LRP1B: variants seen among roughly 807,000 people sequenced by gnomAD.
The protein encoded by LRP1B is low-density lipoprotein receptor-related protein 1B.
A neutral mutation model predicts 556.6 loss-of-function variants in LRP1B; 217 were observed. That is an observed-to-expected ratio of 0.39 (90% CI 0.35 to 0.44). LRP1B has a LOEUF of 0.44. LRP1B is among the 20% of genes least tolerant of loss of function. The probability of loss-of-function intolerance (pLI) is 1.00; values close to 1 mark genes in which losing one functional copy is unlikely to be tolerated. For missense variants in LRP1B, 5,053 were observed against 5,620.8 expected, an observed-to-expected ratio of 0.90 and a Z score of 3.23; for synonymous variants, 2,047 against 1,865.8, an observed-to-expected ratio of 1.10 and a Z score of -2.50.
chr2:140,322,280 C>A (rs1680183125), intron 81 of LRP1B, among the ~76,000 whole-genome samples, 192 bp from the exon 82 acceptor site: 1 of 152,014 alleles, frequency 6.6e-6, no homozygotes, highest in Admixed American at 6.6e-5. Context: ...ACCCAATGCT[C>A]ATCATTAATA....
intron 86 of LRP1B, among the ~76,000 whole-genome samples, chr2:140,257,020 C>A (rs2104918747): frequency 6.6e-6 from 1 of 152,004 alleles, no homozygotes; most frequent in Admixed American, 6.5e-5. Context: ...AACATGATGG[C>A]TTTTTCTGCT....
At chr2:141,096,641 A>AGGGG in intron 7 of LRP1B, among the ~76,000 whole-genome samples, 1 of 82,372 alleles carries the variant, frequency 1.2e-5, no homozygotes, top group African/African-American at 4.3e-5. Flanking sequence ...AGAGAGAGAG[A>AGGGG]GAGAGAGAGA....
chr2:141,335,185 G>A (rs1202359603), intron 3 of LRP1B, among the ~76,000 whole-genome samples: 1 of 152,066 alleles, frequency 6.6e-6, no homozygotes, highest in South Asian at 2.1e-4. Context: ...CAATATGATG[G>A]GGAAAAGACA....
intron 43 of LRP1B, among the ~76,000 whole-genome samples, chr2:140,567,431 C>A (rs2105095980): frequency 6.6e-6 from 1 of 152,242 alleles, no homozygotes; most frequent in South Asian, 2.1e-4. Context: ...TCCTCACGCC[C>A]AAACCTCCAG....
At chr2:140,799,593 C>T (rs1329006583) in intron 32 of LRP1B, among the ~76,000 whole-genome samples, 2 of 152,140 alleles carry the variant, frequency 1.3e-5, no homozygotes, top group Non-Finnish European at 2.9e-5. Flanking sequence ...TTGGCTAGTC[C>T]TTTATAATGC....
intron 3 of LRP1B, among the ~76,000 whole-genome samples, chr2:141,337,836 C>A (rs1412418975): frequency 6.6e-6 from 1 of 152,146 alleles, no homozygotes; most frequent in Non-Finnish European, 1.5e-5. Context: ...TTTTGAAAAA[C>A]CATCTAAAGT....
At chr2:141,373,358 AT>A (rs1270791899) in intron 3 of LRP1B, among the ~76,000 whole-genome samples, 2 of 152,118 alleles carry the variant, frequency 1.3e-5, no homozygotes, top group Non-Finnish European at 2.9e-5. Flanking sequence ...GTTTAAGTCC[AT>A]TCTATCTAAA....
At chr2:140,540,760 A>C (rs1680103771) in intron 45 of LRP1B, among the ~76,000 whole-genome samples, 1 of 152,056 alleles carries the variant, frequency 6.6e-6, no homozygotes, top group African/African-American at 2.4e-5. Flanking sequence ...GGGTAAAAAC[A>C]TTTGTTACCA....
At chr2:141,921,282 G>A (rs963847179) in intron 1 of LRP1B, among the ~76,000 whole-genome samples, 11 of 151,922 alleles carry the variant, frequency 7.2e-5, no homozygotes, top group Non-Finnish European at 1.2e-4. Flanking sequence ...AAAATTTAGT[G>A]AGAATCTATC....
intron 3 of LRP1B, among the ~76,000 whole-genome samples, chr2:141,441,095 G>A (rs1332320984): frequency 6.6e-6 from 1 of 150,588 alleles, no homozygotes; most frequent in African/African-American, 2.4e-5. Flanking sequence ...ATTTTTTTCT[G>A]GGTCGGAGTC....
intron 2 of LRP1B, among the ~76,000 whole-genome samples, chr2:141,510,358 C>T (rs946103751): frequency 1.3e-5 from 2 of 151,848 alleles, no homozygotes; most frequent in African/African-American, 2.4e-5. Flanking sequence ...ACAAAAATGC[C>T]GTCTCTCTCA....
chr2:142,073,024 A>T (rs1415758196), intron 1 of LRP1B, among the ~76,000 whole-genome samples: 1 of 152,072 alleles, frequency 6.6e-6, no homozygotes, highest in Non-Finnish European at 1.5e-5. Context: ...TGTTAATCAC[A>T]GTCAGAAAGT....
At chr2:140,351,111 T>C in intron 76 of LRP1B, 73 bp from the exon 77 acceptor site, 1 of 996,562 alleles carries the variant, frequency 1.0e-6, no homozygotes, top group East Asian at 2.8e-5. Flanking sequence ...ATTGTACTTT[T>C]AAATTATCTT....
intron 14 of LRP1B, among the ~76,000 whole-genome samples, chr2:141,011,366 G>A (rs748570616): frequency 9.2e-5 from 14 of 151,840 alleles, no homozygotes; most frequent in Non-Finnish European, 1.2e-4. Flanking sequence ...ACTGAACATC[G>A]GAATGCATTT....
At chr2:141,840,597 TC>T (rs1452855959) in intron 1 of LRP1B, among the ~76,000 whole-genome samples, 1 of 152,054 alleles carries the variant, frequency 6.6e-6, no homozygotes, top group Admixed American at 6.6e-5. Flanking sequence ...TTATTGAGCA[TC>T]CGCTTCCAGC....
intron 35 of LRP1B, among the ~76,000 whole-genome samples, chr2:140,748,377 A>AT (rs1688414253): frequency 1.1e-5 from 1 of 92,334 alleles, no homozygotes; most frequent in Non-Finnish European, 2.1e-5. Context: ...ATATATGTAT[A>AT]TATATTCATA....
chr2:142,013,576 A>T (rs1297210649), intron 1 of LRP1B, among the ~76,000 whole-genome samples: 1 of 152,100 alleles, frequency 6.6e-6, no homozygotes, highest in African/African-American at 2.4e-5. Flanking sequence ...AAAAAAAAAT[A>T]AGTCACTTGC....
At chr2:142,106,821 T>C (rs1706762285) in intron 1 of LRP1B, among the ~76,000 whole-genome samples, 1 of 152,178 alleles carries the variant, frequency 6.6e-6, no homozygotes, top group Admixed American at 6.5e-5. Flanking sequence ...TAGGCAATGC[T>C]ATGCAACAAT....
intron 79 of LRP1B, among the ~76,000 whole-genome samples, chr2:140,333,730 C>A (rs962045021): frequency 6.6e-6 from 1 of 151,960 alleles, no homozygotes; most frequent in African/African-American, 2.4e-5. Context: ...GCCCTTGAGG[C>A]TCCTGTAGTC....
Sources: gnomAD v4.1 joint callset for allele counts (sites outside exome capture counted in the v4.1 genomes callset) on GRCh38, gnomAD v4.1.1 for gene constraint, MANE v1.5 for transcripts, NCBI Gene and HGNC (gene_info 2026-07-23, HGNC 2026-07-21) for gene names.